GRIK1: variants seen among roughly 807,000 people sequenced by gnomAD.
The protein encoded by GRIK1 is glutamate receptor ionotropic, kainate 1.
GRIK1 carries 69 observed loss-of-function variants against 105.7 expected under a neutral mutation model. That is an observed-to-expected ratio of 0.65 (90% confidence interval 0.54 to 0.80). The LOEUF is 0.80. GRIK1 is among the 30% of genes least tolerant of loss of function. The pLI, the probability that GRIK1 is intolerant of heterozygous loss-of-function variation, is 0.00. For missense variants in GRIK1, 1,109 were observed against 1,167.3 expected (o/e 0.95, Z 0.73); for synonymous variants, 438 against 431.3 (o/e 1.02, Z -0.19).
At chr21:29,874,434 A>G (rs1233174699) in intron 1 of GRIK1, among the ~76,000 whole-genome samples, 2 of 152,158 alleles carry the variant, frequency 1.3e-5, no homozygotes, top group African/African-American at 4.8e-5. Context: ...CCAAATTCCC[A>G]TTCTTTGTCT....
At chr21:29,743,309 A>T (rs116550440) in intron 1 of GRIK1, among the ~76,000 whole-genome samples, 1 of 152,194 alleles carries the variant, frequency 6.6e-6, no homozygotes, top group Non-Finnish European at 1.5e-5. Context: ...CAAAGAAAAA[A>T]GTTGGAGAGA....
intron 1 of GRIK1, among the ~76,000 whole-genome samples, chr21:29,803,582 T>C (rs1259245226): frequency 6.6e-6 from 1 of 152,088 alleles, no homozygotes. Context: ...GGCTCTTCTT[T>C]ATAGCAGGGC....
chr21:29,620,239 C>A (rs2061955112), intron 7 of GRIK1, among the ~76,000 whole-genome samples: 1 of 152,192 alleles, frequency 6.6e-6, no homozygotes, highest in Admixed American at 6.5e-5. Flanking sequence ...AAGCAAGTAT[C>A]AGCTCTGCAG....
intron 6 of GRIK1, among the ~76,000 whole-genome samples, chr21:29,643,748 A>G (rs2062561391): frequency 6.6e-6 from 1 of 152,242 alleles, no homozygotes; most frequent in Non-Finnish European, 1.5e-5. Context: ...ATAAAATCTT[A>G]TAATACCCTT....
intron 15 of GRIK1, 53 bp from the exon 16 acceptor site, chr21:29,555,355 C>A (rs1413099604): frequency 6.7e-7 from 1 of 1,491,352 alleles, no homozygotes; most frequent in Non-Finnish European, 9.2e-7. Flanking sequence ...AGAAGACATC[C>A]AGAAGTATTC....
At chr21:29,781,888 T>C (rs1293491832) in intron 1 of GRIK1, among the ~76,000 whole-genome samples, 1 of 149,916 alleles carries the variant, frequency 6.7e-6, no homozygotes, top group Admixed American at 6.6e-5. Context: ...GCCAGGATGG[T>C]CTCGATCTCC....
In GRIK1 at chr21:29,598,843, T is replaced by C; in HGVS notation, c.1193A>G (p.Glu398Gly). ...FDLDIISLKE[E>G]GTEKAAGEVS... ...TAAGGAGGTTACCTTTTCAGTTCCT[T>C]CCTCTTTGAGACTAATAATGTCCAG... The change falls in exon 8 of 18, where the codon GAA (glutamate) becomes GGA (glycine). Residue 398 changes from glutamate (E) to glycine (G), a missense_variant. By Grantham distance (98) the Glu-to-Gly change is moderately conservative. Coordinates refer to ENST00000327783, the MANE Select transcript of GRIK1 (RefSeq NM_001330994.2). 1 of 1,467,756 alleles carries C rather than the reference T, an allele frequency of 6.8e-7. No homozygotes were observed. The highest frequency in any genetic ancestry group is 9.5e-7 in the Non-Finnish European group (1 of 1,052,166). 90.9% of individuals were successfully genotyped at this position (1,467,756 alleles called of 1,614,324 possible). A position where few individuals can be genotyped will look rare whatever the true frequency, so the allele number is the denominator to read the frequency against.
intron 16 of GRIK1, among the ~76,000 whole-genome samples, chr21:29,545,328 C>A (rs1325861448): frequency 1.3e-5 from 2 of 152,212 alleles, no homozygotes; most frequent in African/African-American, 4.8e-5. Context: ...CACACAGTGC[C>A]TTTCTCCTCT....
chr21:29,936,145 C>T (rs778816502), intron 1 of GRIK1, among the ~76,000 whole-genome samples: 1 of 152,146 alleles, frequency 6.6e-6, no homozygotes, highest in Non-Finnish European at 1.5e-5. Flanking sequence ...GGGAATCAAA[C>T]CTATGCTTTC....
intron 1 of GRIK1, among the ~76,000 whole-genome samples, chr21:29,892,814 T>C (rs2069951766): frequency 6.6e-6 from 1 of 152,252 alleles, no homozygotes; most frequent in African/African-American, 2.4e-5. Flanking sequence ...CATATTTGTA[T>C]GTGAACTCCA....
intron 1 of GRIK1, among the ~76,000 whole-genome samples, chr21:29,777,171 G>A (rs1373035480): frequency 6.6e-6 from 1 of 152,166 alleles, no homozygotes; most frequent in Non-Finnish European, 1.5e-5. Flanking sequence ...TGAGCTTGAG[G>A]TGTCAGTACT....
intron 1 of GRIK1, among the ~76,000 whole-genome samples, chr21:29,845,097 T>C (rs1445100929): frequency 6.6e-6 from 1 of 152,194 alleles, no homozygotes; most frequent in Non-Finnish European, 1.5e-5. Context: ...CACTAGAATA[T>C]GTTTATGATG....
intron 8 of GRIK1, among the ~76,000 whole-genome samples, chr21:29,598,606 C>T (rs960831485): frequency 6.6e-5 from 10 of 152,048 alleles, no homozygotes; most frequent in Non-Finnish European, 1.5e-4. Flanking sequence ...AAATGAAGCA[C>T]AATAGAAACA....
At chr21:29,589,148 T>C (rs893155765) in intron 10 of GRIK1, 106 bp from the exon 11 acceptor site, 1 of 673,386 alleles carries the variant, frequency 1.5e-6, no homozygotes, top group Non-Finnish European at 2.6e-6. Context: ...TTTGAAGAGC[T>C]GAGAGTACTG....
intron 1 of GRIK1, among the ~76,000 whole-genome samples, chr21:29,786,301 A>G (rs1003961250): frequency 1.2e-4 from 18 of 152,148 alleles, no homozygotes; most frequent in Middle Eastern, 3.2e-3. Flanking sequence ...TGTATCTTAC[A>G]TGGACACTAG....
intron 1 of GRIK1, among the ~76,000 whole-genome samples, chr21:29,736,333 T>C (rs1476654793): frequency 1.3e-5 from 2 of 152,032 alleles, no homozygotes; most frequent in African/African-American, 4.8e-5. Flanking sequence ...TGGACTCAAC[T>C]GATTCTCCAA....
intron 10 of GRIK1, among the ~76,000 whole-genome samples, chr21:29,589,280 C>T (rs1314741281): frequency 2.0e-5 from 3 of 152,048 alleles, no homozygotes; most frequent in Non-Finnish European, 4.4e-5. Flanking sequence ...GAGGGTGGGG[C>T]TGTGCGGGAA....
At chr21:29,748,577 C>T (rs2065103484) in intron 1 of GRIK1, among the ~76,000 whole-genome samples, 1 of 152,140 alleles carries the variant, frequency 6.6e-6, no homozygotes, top group South Asian at 2.1e-4. Flanking sequence ...TTTTTATGAC[C>T]CAAACTCTGC....
chr21:29,898,254 A>G (rs1004429612), intron 1 of GRIK1, among the ~76,000 whole-genome samples: 1 of 152,192 alleles, frequency 6.6e-6, no homozygotes, highest in Non-Finnish European at 1.5e-5. Context: ...TCCCTGCCCC[A>G]TGAAGCTGAT....
Sources: allele counts gnomAD v4.1 joint callset (sites outside exome capture counted in the v4.1 genomes callset), GRCh38; gene constraint gnomAD v4.1.1; transcripts MANE v1.5; gene names NCBI Gene and HGNC (gene_info 2026-07-23, HGNC 2026-07-21).